Variants in USP24 observed in about 807,000 individuals in gnomAD.
USP24 encodes ubiquitin carboxyl-terminal hydrolase 24.
USP24 carries 97 observed loss-of-function variants against 361.6 expected under a neutral mutation model. That is an observed-to-expected ratio of 0.27 (90% CI 0.23 to 0.32). The LOEUF (loss-of-function observed/expected upper bound fraction) is 0.32, where lower values mean the gene tolerates loss of function less well. Among genes scored for constraint, USP24 ranks in the 10% least tolerant of loss-of-function variants. The pLI is 1.00. For synonymous variants in USP24, 1,098 were observed against 1,124.6 expected (o/e 0.98, Z 0.47); for missense variants, 2,353 against 3,165.6 (o/e 0.74, Z 6.16).
Position 55,154,470 on chromosome 1 carries a change from T to C in USP24, c.1555-4A>G, listed in dbSNP as rs780630660. On this transcript the variant is annotated splice_polypyrimidine_tract_variant and splice_region_variant and intron_variant, in intron 13 of 67. Coordinates refer to ENST00000294383, the MANE Select transcript of USP24 (RefSeq NM_015306.3). ...TATCACTCTCAGTCTCCCAGCTCTG[T>C]AGAACGGAAAAGACACAGGAATTGC... The C allele has an allele frequency of 2.6e-5, 40 of 1,550,708 alleles. No homozygotes were observed. The Admixed American group carries it at 3.0e-4, about 11-fold the overall frequency.
intron 65 of USP24, 50 bp downstream of exon 65, chr1:55,072,736 G>A (rs1644945860): frequency 1.3e-6 from 2 of 1,504,528 alleles, no homozygotes; most frequent in Non-Finnish European, 1.8e-6. Context: ...GACAAGATGT[G>A]CTATTATTGA....
intron 63 of USP24, among the ~76,000 whole-genome samples, chr1:55,074,891 TA>T (rs1301637072): frequency 2.6e-5 from 4 of 152,032 alleles, no homozygotes; most frequent in African/African-American, 9.7e-5. Flanking sequence ...TGATTCAGAT[TA>T]AGTGGAAATA....
intron 9 of USP24, 137 bp downstream of exon 9, chr1:55,159,474 G>C: frequency 1.4e-6 from 1 of 721,030 alleles, no homozygotes; most frequent in South Asian, 2.1e-5. Context: ...TTTTTAATTA[G>C]GAAATGTAAA....
intron 23 of USP24, among the ~76,000 whole-genome samples, chr1:55,142,358 AG>A (rs1646912882): frequency 6.6e-6 from 1 of 152,216 alleles, no homozygotes; most frequent in African/African-American, 2.4e-5. Flanking sequence ...TGGTATAACT[AG>A]GTGAAACATG....
At chr1:55,092,995 A>G in intron 52 of USP24, 79 bp from the exon 53 acceptor site, 1 of 866,240 alleles carries the variant, frequency 1.2e-6, no homozygotes, top group Non-Finnish European at 1.7e-6. Context: ...ATGATATGTA[A>G]AAATATAGGT....
At chr1:55,139,126 G>C in intron 24 of USP24, 116 bp from the exon 25 acceptor site, 1 of 913,518 alleles carries the variant, frequency 1.1e-6, no homozygotes. Context: ...GTCAAAGACT[G>C]AAATTTGCAA....
chr1:55,157,134 A>G (rs1647757759), intron 11 of USP24, 83 bp from the exon 12 acceptor site: 1 of 1,394,924 alleles, frequency 7.2e-7, no homozygotes, highest in Non-Finnish European at 1.0e-6. Flanking sequence ...CAAAACAATA[A>G]CTTACTATAA....
At chr1:55,176,488 C>A (rs764444092) in intron 2 of USP24, 45 bp from the exon 3 acceptor site, 4 of 1,506,092 alleles carry the variant, frequency 2.7e-6, no homozygotes, top group East Asian at 4.9e-5. Context: ...AAGTCAGACT[C>A]AGAAAGACCT....
chr1:55,109,274 G>T (rs981680436), intron 39 of USP24, among the ~76,000 whole-genome samples: 1 of 152,222 alleles, frequency 6.6e-6, no homozygotes, highest in Non-Finnish European at 1.5e-5. Context: ...ACTGCGCCTG[G>T]CCACCTCCTG....
At chr1:55,100,987 A>C in intron 43 of USP24, 23 bp from the exon 44 acceptor site, 1 of 1,603,376 alleles carries the variant, frequency 6.2e-7, no homozygotes, top group Non-Finnish European at 8.5e-7. Flanking sequence ...GAAACATATC[A>C]AGCTTGAAAT....
Position 55,094,019 on chromosome 1 carries a change from C to T in USP24, c.6272G>A (p.Arg2091Gln). ...AACCAGCTTGGTAAGAATAGACAGC[C>T]GGTCATTGTTCGGCCTATGGGGCCG... ...SPRPHRPNND[R>Q]LSILTKLVKK... Residue 2091 changes from arginine to glutamine, a missense_variant, in exon 52 of 68, where the codon CGG becomes CAG. Coordinates refer to ENST00000294383, the MANE Select transcript of USP24 (RefSeq NM_015306.3). The T allele has an allele frequency of 1.2e-6, 2 of 1,613,760 alleles. No individual in the cohort carries two copies. Among genetic ancestry groups the T allele is most frequent in the Non-Finnish European group, 1.7e-6 (2 of 1,179,836 alleles).
intron 29 of USP24, 60 bp downstream of exon 29, chr1:55,134,268 C>T: frequency 6.4e-7 from 1 of 1,572,412 alleles, no homozygotes; most frequent in Non-Finnish European, 8.7e-7. Context: ...TGAAAAGTTA[C>T]TTGGCTCCCT....
At chr1:55,134,437 A>G in intron 28 of USP24, 24 bp from the exon 29 acceptor site, 5 of 1,580,796 alleles carry the variant, frequency 3.2e-6, no homozygotes, top group Non-Finnish European at 4.3e-6. Context: ...GCAAAATAGA[A>G]ATTCAAATTT....
intron 38 of USP24, among the ~76,000 whole-genome samples, chr1:55,119,692 G>T (rs1646223973): frequency 6.6e-6 from 1 of 151,494 alleles, no homozygotes; most frequent in South Asian, 2.1e-4. Context: ...ATTTATAATA[G>T]TTATATATAT....
chr1:55,097,853 T>C, intron 47 of USP24, 90 bp downstream of exon 47: 1 of 1,520,636 alleles, frequency 6.6e-7, no homozygotes, highest in Non-Finnish European at 8.8e-7. Flanking sequence ...GAAATAACAG[T>C]AGGAGCTTAA....
At chr1:55,179,682 C>G (rs1643905515) in intron 1 of USP24, among the ~76,000 whole-genome samples, 1 of 152,098 alleles carries the variant, frequency 6.6e-6, no homozygotes, top group Non-Finnish European at 1.5e-5. Context: ...ATTCCCAGGA[C>G]CTGGTGATTG....
intron 41 of USP24, among the ~76,000 whole-genome samples, chr1:55,105,625 C>T (rs1168307445): frequency 6.6e-6 from 1 of 152,182 alleles, no homozygotes; most frequent in Non-Finnish European, 1.5e-5. Context: ...ATAAATACCA[C>T]TCAAGGAGGG....
chr1:55,198,252 G>C (rs1644470788), intron 1 of USP24, among the ~76,000 whole-genome samples: 1 of 152,086 alleles, frequency 6.6e-6, no homozygotes, highest in South Asian at 2.1e-4. Flanking sequence ...AACGTGCTGG[G>C]ATTACAGGCG....
chr1:55,187,475 T>C (rs1301586193), intron 1 of USP24, among the ~76,000 whole-genome samples: 1 of 152,132 alleles, frequency 6.6e-6, no homozygotes, highest in African/African-American at 2.4e-5. Context: ...ATAAAAGGCA[T>C]TCAGATTAAA....
Sources: allele counts gnomAD v4.1 joint callset (sites outside exome capture counted in the v4.1 genomes callset), GRCh38; gene constraint gnomAD v4.1.1; transcripts MANE v1.5; gene names NCBI Gene and HGNC (gene_info 2026-07-23, HGNC 2026-07-21).